The following SRRM4 variants were observed in gnomAD, a reference collection of about 807,000 sequenced individuals.
SRRM4 encodes serine/arginine repetitive matrix protein 4.
A neutral mutation model predicts 68.9 loss-of-function variants in SRRM4; 33 were observed. The observed-to-expected ratio is 0.48, with a 90% CI of 0.36 to 0.64. SRRM4 has a LOEUF of 0.64. Among genes scored for constraint, SRRM4 ranks in the 30% least tolerant of loss-of-function variants. SRRM4 has a pLI of 0.00. For missense variants in SRRM4, 817 were observed against 827.1 expected (o/e 0.99, Z 0.15); for synonymous variants, 318 against 318.8 (o/e 1.00, Z 0.03).
At chr12:119,034,972 TG>T (rs1953617433) in intron 1 of SRRM4, among the ~76,000 whole-genome samples, 1 of 152,230 alleles carries the variant, frequency 6.6e-6, no homozygotes, top group Non-Finnish European at 1.5e-5. Context: ...TATAACATCT[TG>T]TTTTATGAGG....
At chr12:119,020,325 C>A (rs770632997) in intron 1 of SRRM4, among the ~76,000 whole-genome samples, 55 of 151,982 alleles carry the variant, frequency 3.6e-4, no homozygotes, top group Non-Finnish European at 6.6e-4. Flanking sequence ...ATACACAGAC[C>A]CTCTCACCTG....
chr12:119,013,196 C>A (rs952457128), intron 1 of SRRM4, among the ~76,000 whole-genome samples: 7 of 151,952 alleles, frequency 4.6e-5, no homozygotes, highest in Non-Finnish European at 8.8e-5. Context: ...CTTTCTGTAC[C>A]ATTTTGCCCC....
At chr12:119,001,469 T>A (rs1412070961) in intron 1 of SRRM4, 1 of 152,150 alleles carries the variant, frequency 6.6e-6, no homozygotes, top group Non-Finnish European at 1.5e-5. Flanking sequence ...CATATTAAGG[T>A]GAGCATTTCA....
chr12:119,043,926 C>T (rs1044638091), intron 1 of SRRM4, among the ~76,000 whole-genome samples: 1 of 152,028 alleles, frequency 6.6e-6, no homozygotes, highest in Non-Finnish European at 1.5e-5. Flanking sequence ...AGTGCAATGG[C>T]GCGATCTCAG....
chr12:119,028,163 A>G (rs1953561391), intron 1 of SRRM4, among the ~76,000 whole-genome samples: 1 of 152,172 alleles, frequency 6.6e-6, no homozygotes, highest in Non-Finnish European at 1.5e-5. Flanking sequence ...CTCAGATGAT[A>G]TTTGTTCTAG....
intron 1 of SRRM4, among the ~76,000 whole-genome samples, chr12:119,009,331 G>A (rs1278644209): frequency 6.6e-6 from 1 of 152,106 alleles, no homozygotes; most frequent in East Asian, 1.9e-4. Context: ...GAAAGGGATG[G>A]GACGCACAAG....
At chr12:119,018,562 A>T (rs1406280717) in intron 1 of SRRM4, among the ~76,000 whole-genome samples, 1 of 152,128 alleles carries the variant, frequency 6.6e-6, no homozygotes, top group Non-Finnish European at 1.5e-5. Flanking sequence ...TCACAGTTTC[A>T]GTGTTAGGAT....
Position 119,054,324 on chromosome 12 carries a change from G to A in SRRM4, c.132-47912G>A, listed in dbSNP as rs183843013. 3.7e-3 allele frequency among the ~76,000 whole-genome samples: 560 copies of A among 152,290 alleles called. 12 individuals are homozygous for A. Among genetic ancestry groups the A allele is most frequent in the Non-Finnish European group, 1.8e-3 (123 of 68,020 alleles). On this transcript the variant is annotated intron_variant, in intron 1 of 12. Coordinates refer to ENST00000267260, the MANE Select transcript of SRRM4 (RefSeq NM_194286.4). ...TTGAGCACTCACTGTGCCAGATGCT[G>A]TTATAATCCTTAGATATGTATATTA...
intron 1 of SRRM4, among the ~76,000 whole-genome samples, chr12:119,083,314 T>G (rs1230310933): frequency 6.6e-6 from 1 of 151,940 alleles, no homozygotes; most frequent in African/African-American, 2.4e-5. Context: ...CTTGATCACC[T>G]CCTGTCCATT....
intron 1 of SRRM4, chr12:118,992,191 C>T (rs1363782572): frequency 6.6e-6 from 1 of 152,216 alleles, no homozygotes; most frequent in African/African-American, 2.4e-5. Flanking sequence ...TGCCTAAGGT[C>T]TGTAGTCTGC....
At chr12:119,090,432 C>A (rs1954007940) in intron 1 of SRRM4, among the ~76,000 whole-genome samples, 1 of 152,110 alleles carries the variant, frequency 6.6e-6, no homozygotes, top group Non-Finnish European at 1.5e-5. Context: ...CAGCCTGATC[C>A]TAAGGGGAGC....
intron 1 of SRRM4, among the ~76,000 whole-genome samples, chr12:119,014,989 CAACTT>C (rs371373355): frequency 5.5e-4 from 83 of 152,258 alleles, no homozygotes; most frequent in African/African-American, 2.0e-3. Flanking sequence ...AAATTAGAAA[CAACTT>C]AAGTATCCAA....
intron 1 of SRRM4, among the ~76,000 whole-genome samples, chr12:119,010,192 A>G (rs1372701855): frequency 6.6e-6 from 1 of 152,140 alleles, no homozygotes; most frequent in Non-Finnish European, 1.5e-5. Context: ...AGCCGGGACT[A>G]CAAGCACCCA....
intron 1 of SRRM4, among the ~76,000 whole-genome samples, chr12:118,982,676 T>TTG (rs71069485): frequency 5.6e-5 from 7 of 125,434 alleles, no homozygotes; most frequent in Non-Finnish European, 8.4e-5. Flanking sequence ...TTTGTTTTTT[T>TTG]TTGTTTTTTT....
In SRRM4 at chr12:119,156,802, C is replaced by T. The variant is rs1954476711; in HGVS notation, c.*4C>T. 1 of 1,516,356 alleles carries T rather than the reference C, an allele frequency of 6.6e-7. No homozygotes were observed. Among genetic ancestry groups the T allele is most frequent in the African/African-American group, 1.4e-5 (1 of 72,548 alleles). 93.9% of individuals were successfully genotyped at this position (1,516,356 alleles called of 1,614,324 possible). On this transcript the variant is annotated 3_prime_UTR_variant, in exon 13 of 13. Transcript: ENST00000267260. ...CTACTCCAGCACGAGGCGCTAAGTG[C>T]CCCTGAGCCAGCTGCCCGTGGGGGC...
At chr12:119,106,719 T>C (rs1316813040) in intron 2 of SRRM4, among the ~76,000 whole-genome samples, 1 of 152,202 alleles carries the variant, frequency 6.6e-6, no homozygotes, top group East Asian at 1.9e-4. Context: ...GCTGAGACAA[T>C]GGGGTTTTAT....
chr12:119,011,523 C>T (rs764338143), intron 1 of SRRM4, among the ~76,000 whole-genome samples: 1 of 152,304 alleles, frequency 6.6e-6, no homozygotes, highest in Admixed American at 6.5e-5. Flanking sequence ...AGATACATTT[C>T]CATCTACCCC....
At chr12:119,037,137 C>T (rs1422502946) in intron 1 of SRRM4, among the ~76,000 whole-genome samples, 1 of 152,086 alleles carries the variant, frequency 6.6e-6, no homozygotes, top group Admixed American at 6.5e-5. Flanking sequence ...TGGTTCCCCC[C>T]AGTTCTTGGG....
chr12:119,027,781 G>C (rs1459060654), intron 1 of SRRM4, among the ~76,000 whole-genome samples: 1 of 152,136 alleles, frequency 6.6e-6, no homozygotes, highest in East Asian at 1.9e-4. Flanking sequence ...CAGGTATGTA[G>C]ACACATAAAG....
Sources: gnomAD v4.1 joint callset for allele counts (sites outside exome capture counted in the v4.1 genomes callset) on GRCh38, gnomAD v4.1.1 for gene constraint, MANE v1.5 for transcripts, NCBI Gene and HGNC (gene_info 2026-07-23, HGNC 2026-07-21) for gene names.